The following SOX1 variants were observed in gnomAD, a reference collection of about 807,000 sequenced individuals.
SOX1 encodes the protein SRY-box transcription factor 1.
Under a neutral mutation model 0.9 loss-of-function variants are expected in SOX1, and 1 was observed. The observed-to-expected ratio is 1.07, with a 90% CI of 0.38 to 5.06. The LOEUF is 5.06. Among genes scored for constraint, SOX1 ranks in the 30% most tolerant of loss-of-function variants. The pLI, the probability that SOX1 is intolerant of heterozygous loss-of-function variation, is 0.16. For synonymous variants in SOX1, 397 were observed against 265.5 expected (o/e 1.50, Z -4.81); for missense variants, 564 against 534.4 (o/e 1.06, Z -0.55).
Position 112,067,763 on chromosome 13 carries a change from C to A in SOX1, c.105C>A (p.Gly35=), listed in dbSNP as rs2138615776. ...PAGAGGGGGG[G]GGGGGGGGAK... ...GGGCGGGCGGCGGCGGGGGCGGAGG[C>A]GGGGGCGGCGGCGGCGGCGGGGGCG... Residue 35 remains glycine (G), a synonymous_variant, in exon 1 of 1, where the codon GGC becomes GGA. Coordinates refer to ENST00000330949, the MANE Select transcript of SOX1 (RefSeq NM_005986.3). The surrounding 1 kb of genome is among the most constrained non-coding windows in gnomAD (Gnocchi z 5.1). The A allele has an allele frequency of 7.9e-7, 1 of 1,265,754 alleles. No individual in the cohort carries two copies. Among genetic ancestry groups the A allele is most frequent in the Non-Finnish European group, 1.0e-6 (1 of 998,676 alleles). 78.4% of individuals were successfully genotyped at this position (1,265,754 alleles called of 1,614,324 possible). A position where few individuals can be genotyped will look rare whatever the true frequency, so the allele number is the denominator to read the frequency against.
Position 112,068,621 on chromosome 13 carries a change from G to C in SOX1, c.963G>C (p.Glu321Asp), listed in dbSNP as rs1880799668. 1.7e-6 allele frequency: 2 copies of C among 1,145,460 alleles called. No individual in the cohort carries two copies. The highest frequency in any genetic ancestry group is 4.9e-5 in the Admixed American group (1 of 20,612). 71.0% of individuals were successfully genotyped at this position (1,145,460 alleles called of 1,614,324 possible). A position where few individuals can be genotyped will look rare whatever the true frequency, so the allele number is the denominator to read the frequency against. Residue 321 changes from glutamate (E) to aspartate (D), a missense_variant, in exon 1 of 1, where the codon GAG becomes GAC. Glu to Asp is a conservative substitution (Grantham distance 45). Transcript: ENST00000330949. The surrounding 1 kb of genome is among the most constrained non-coding windows in gnomAD (Gnocchi z 6.9). ...LGALGSLVKSEPSGSPPAPAH... is the reference protein window; with the variant it reads ...LGALGSLVKSDPSGSPPAPAH... ...CGCTGGGCTCTCTGGTGAAGTCGGA[G>C]CCCAGCGGCAGCCCGCCCGCCCCAG...
rs539718883 is a variant in SOX1 at position 112,069,884 on chromosome 13, A to C, written c.*1050A>C. ...AAGTATCTTCTGCTCCGGCTGTTTC[A>C]CTGCGGACGGCTGGGGCTGCTGCGC... is the stretch of plus-strand genomic sequence containing the variant. On this transcript the variant is annotated 3_prime_UTR_variant, in exon 1 of 1. Coordinates refer to ENST00000330949, the MANE Select transcript of SOX1 (RefSeq NM_005986.3). 5.4e-5 allele frequency: 9 copies of C among 167,234 alleles called. No individual in the cohort carries two copies. The highest frequency in any genetic ancestry group is 3.4e-3 in the Middle Eastern group (1 of 296). 10.4% of individuals were successfully genotyped at this position (167,234 alleles called of 1,614,324 possible).
Position 112,068,666 on chromosome 13 carries a change from C to A in SOX1, c.1008C>A (p.Cys336Ter). 8.6e-7 allele frequency: 1 copy of A among 1,168,852 alleles called. No individual in the cohort carries two copies. Among genetic ancestry groups the A allele is most frequent in the Non-Finnish European group, 1.1e-6 (1 of 947,676 alleles). The allele number at this position is 1,168,852 out of a possible 1,614,324, so 72.4% of individuals were successfully genotyped here. A position where few individuals can be genotyped will look rare whatever the true frequency, so the allele number is the denominator to read the frequency against. ...CCCCAGCGCACTCGCGGGCGCCGTG[C>A]CCCGGGGACCTGCGCGAGATGATCA... ...PPAPAHSRAP[C>*]PGDLREMISM... The change falls in exon 1 of 1, where the codon TGC becomes TGA. Residue 336 changes from cysteine (C) to a stop codon, truncating the protein, a stop_gained. Transcript: ENST00000330949. LOFTEE classifies it low-confidence loss of function (END_TRUNC). The surrounding 1 kb of genome is among the most constrained non-coding windows in gnomAD (Gnocchi z 6.9).
chr13:112,068,793 G>A lies in SOX1; in HGVS notation c.1135G>A (p.Gly379Ser), dbSNP rs1880805812. 1 of 1,228,586 alleles carries A rather than the reference G, an allele frequency of 8.1e-7. No individual in the cohort carries two copies. Among genetic ancestry groups the A allele is most frequent in the Non-Finnish European group, 1.0e-6 (1 of 984,124 alleles). 76.1% of individuals were successfully genotyped at this position (1,228,586 alleles called of 1,614,324 possible). ...HSLPQHYQGAGAGVNGTVPLT... is the reference protein window; with the variant it reads ...HSLPQHYQGASAGVNGTVPLT... ...GCTGCCGCAGCACTACCAGGGCGCG[G>A]GCGCGGGCGTGAACGGCACGGTGCC... The change falls in exon 1 of 1, where the codon GGC becomes AGC. Residue 379 changes from glycine (G) to serine (S), a missense_variant. Physicochemically the swap from Gly to Ser is moderately conservative, Grantham distance 56. Transcript: ENST00000330949. The surrounding 1 kb of genome is among the most constrained non-coding windows in gnomAD (Gnocchi z 6.9).
Position 112,071,264 on chromosome 13 carries a change from T to C in SOX1, c.*2430T>C, listed in dbSNP as rs752583093. Among the ~76,000 whole-genome samples, 19 of 152,226 alleles carry C rather than the reference T, an allele frequency of 1.2e-4. No individual in the cohort carries two copies. Among genetic ancestry groups the C allele is most frequent in the Non-Finnish European group, 1.6e-4 (11 of 68,040 alleles). On this transcript the variant is annotated 3_prime_UTR_variant, in exon 1 of 1. Coordinates refer to ENST00000330949, the MANE Select transcript of SOX1 (RefSeq NM_005986.3). ...GGCCCCACTTTAGAGGCACAGACTA[T>C]GAAAAGCTGAGTTAGTGCGCCCGGG...
chr13:112,068,496 G>T lies in SOX1; in HGVS notation c.838G>T (p.Ala280Ser). 9.7e-7 allele frequency: 1 copy of T among 1,031,006 alleles called. No homozygotes were observed. Among genetic ancestry groups the T allele is most frequent in the Non-Finnish European group, 1.2e-6 (1 of 862,956 alleles). 63.9% of individuals were successfully genotyped at this position (1,031,006 alleles called of 1,614,324 possible). Residue 280 changes from alanine (A) to serine (S), a missense_variant, in exon 1 of 1, where the codon GCC becomes TCC. Ala to Ser is a moderately conservative substitution (Grantham distance 99). Coordinates refer to ENST00000330949, the MANE Select transcript of SOX1 (RefSeq NM_005986.3). This position sits in a 1 kb window ranked among gnomAD's most constrained non-coding sequence, Gnocchi z 6.9. ...GGGCTACGGCGGCCTCCCCTACGGC[G>T]CCGCGGCCGCCGCCGCCGCCGCTGC... is the stretch of plus-strand genomic sequence containing the variant. ...PSGYGGLPYG[A>S]AAAAAAAAGG... is the part of the protein sequence containing the mutation.
At position 112,071,569 on chromosome 13, in the gene SOX1, G is replaced by T. The variant is rs117681231; in HGVS notation, c.*2735G>T. On this transcript the variant is annotated 3_prime_UTR_variant, in exon 1 of 1. Transcript: ENST00000330949. ...CTCCAATTCAAATTAGTGGAGAAAA[G>T]ATTACAGTAGGCCCTGAGCCGACTG... Among the ~76,000 whole-genome samples, 2 of 152,074 alleles carry T rather than the reference G, an allele frequency of 1.3e-5. No homozygotes were observed. Among genetic ancestry groups the T allele is most frequent in the Non-Finnish European group, 1.5e-5 (1 of 68,012 alleles).
Position 112,067,691 on chromosome 13 carries a change from C to A in SOX1, c.33C>A (p.His11Gln). MYSMMMETDLHSPGGAQAPTN... is the reference protein window; with the variant it reads MYSMMMETDLQSPGGAQAPTN... The stretch of plus-strand genomic sequence containing the variant: ...GCATGATGATGGAGACCGACCTGCA[C>A]TCGCCCGGCGGCGCCCAGGCCCCCA... The change falls in exon 1 of 1, where the codon CAC (histidine) becomes CAA (glutamine). Residue 11 changes from histidine (H) to glutamine (Q), a missense_variant. His to Gln is a conservative substitution (Grantham distance 24). Coordinates refer to ENST00000330949, the MANE Select transcript of SOX1 (RefSeq NM_005986.3). The surrounding 1 kb of genome is among the most constrained non-coding windows in gnomAD (Gnocchi z 5.1). The A allele has an allele frequency of 7.8e-7, 1 of 1,280,138 alleles. No homozygotes were observed. The highest frequency in any genetic ancestry group is 1.0e-6 in the Non-Finnish European group (1 of 1,003,892). 79.3% of individuals were successfully genotyped at this position (1,280,138 alleles called of 1,614,324 possible). A position where few individuals can be genotyped will look rare whatever the true frequency, so the allele number is the denominator to read the frequency against.
rs1311269755 is a variant in SOX1, at chr13:112,068,426, C to T, written c.768C>T (p.Tyr256=). ...MHRYDMGALQ[Y]SPISNSQGYM... Reference sequence around the variant, plus strand: ...GCTACGACATGGGCGCGCTGCAGTACAGCCCCATCTCCAACTCGCAGGGCT... The same window carrying T: ...GCTACGACATGGGCGCGCTGCAGTATAGCCCCATCTCCAACTCGCAGGGCT... The change falls in exon 1 of 1, where the codon TAC becomes TAT. Residue 256 remains tyrosine (Y), a synonymous_variant. Coordinates refer to ENST00000330949, the MANE Select transcript of SOX1 (RefSeq NM_005986.3). This position sits in a 1 kb window ranked among gnomAD's most constrained non-coding sequence, Gnocchi z 6.9. The T allele has an allele frequency of 6.2e-6, 8 of 1,281,526 alleles. No homozygotes were observed. The highest frequency in any genetic ancestry group is 2.8e-5 in the Admixed American group (1 of 35,138). 79.4% of individuals were successfully genotyped at this position (1,281,526 alleles called of 1,614,324 possible).
chr13:112,068,325 C>T lies in SOX1; in HGVS notation c.667C>T (p.His223Tyr). The T allele has an allele frequency of 3.6e-6, 4 of 1,118,280 alleles. No homozygotes were observed. Among genetic ancestry groups the T allele is most frequent in the Non-Finnish European group, 3.3e-6 (3 of 909,336 alleles). 69.3% of individuals were successfully genotyped at this position (1,118,280 alleles called of 1,614,324 possible). ...YGQHPGAGGA[H>Y]PHAHPAHPHP... The stretch of plus-strand genomic sequence containing the variant: ...GCAGCACCCGGGCGCGGGCGGCGCG[C>T]ACCCGCACGCGCACCCCGCGCACCC... Residue 223 changes from histidine to tyrosine, a missense_variant, in exon 1 of 1, where the codon CAC (histidine) becomes TAC (tyrosine). By Grantham distance (83) the His-to-Tyr change is moderately conservative. Transcript: ENST00000330949. This position sits in a 1 kb window ranked among gnomAD's most constrained non-coding sequence, Gnocchi z 6.9.
At position 112,068,780 on chromosome 13, in the gene SOX1, C is replaced by T; in HGVS notation, c.1122C>T (p.His374=). 1 of 1,210,976 alleles carries T rather than the reference C, an allele frequency of 8.3e-7. No individual in the cohort carries two copies. Among genetic ancestry groups the T allele is most frequent in the Non-Finnish European group, 1.0e-6 (1 of 972,316 alleles). The allele number at this position is 1,210,976 out of a possible 1,614,324, so 75.0% of individuals were successfully genotyped here. The change falls in exon 1 of 1, where the codon CAC becomes CAT. Residue 374 remains histidine, a synonymous_variant. Coordinates refer to ENST00000330949, the MANE Select transcript of SOX1 (RefSeq NM_005986.3). The surrounding 1 kb of genome is among the most constrained non-coding windows in gnomAD (Gnocchi z 6.9). The stretch of plus-strand genomic sequence containing the variant: ...GCCGGCTGCACTCGCTGCCGCAGCA[C>T]TACCAGGGCGCGGGCGCGGGCGTGA... ...AQSRLHSLPQ[H]YQGAGAGVNG... is the part of the protein sequence containing the mutation.
rs1292252348 is a variant in SOX1 at position 112,068,345 on chromosome 13, GCACCCGCACCCGCAC to G, written c.697_711del (p.Pro233_His237del). The G allele has an allele frequency of 6.6e-6, 8 of 1,219,268 alleles. No homozygotes were observed. Among genetic ancestry groups the G allele is most frequent in the Admixed American group, 3.3e-5 (1 of 30,342 alleles). 75.5% of individuals were successfully genotyped at this position (1,219,268 alleles called of 1,614,324 possible). A position where few individuals can be genotyped will look rare whatever the true frequency, so the allele number is the denominator to read the frequency against. ...GCGCGCACCCGCACGCGCACCCCGC[GCACCCGCACCCGCAC>G]CACCCGCACGCGCACCCGCACAACC... On this transcript the variant is annotated inframe_deletion, in exon 1 of 1. Coordinates refer to ENST00000330949, the MANE Select transcript of SOX1 (RefSeq NM_005986.3). The surrounding 1 kb of genome is among the most constrained non-coding windows in gnomAD (Gnocchi z 6.9).
Position 112,068,059 on chromosome 13 carries a change from A to G in SOX1, c.401A>G (p.Lys134Arg). The change falls in exon 1 of 1, where the codon AAG (lysine) becomes AGG (arginine). Residue 134 changes from lysine to arginine, a missense_variant. Physicochemically the swap from Lys to Arg is conservative, Grantham distance 26 (BLOSUM62 2). Transcript: ENST00000330949. This position sits in a 1 kb window ranked among gnomAD's most constrained non-coding sequence, Gnocchi z 6.9. The part of the protein sequence containing the change: ...RKTKTLLKKD[K>R]YSLAGGLLAA... ...ACCAAGACGCTGCTCAAGAAGGACA[A>G]GTACTCGCTGGCCGGCGGGCTCCTG... 2 of 1,582,604 alleles carry G rather than the reference A, an allele frequency of 1.3e-6. No individual in the cohort carries two copies. The highest frequency in any genetic ancestry group is 1.7e-6 in the Non-Finnish European group (2 of 1,164,608).
At position 112,069,308 on chromosome 13, in the gene SOX1, C is replaced by G. The variant is rs1036517012; in HGVS notation, c.*474C>G. ...GTAGTAAGGCAGGTCCAAGCACTTA[C>G]AAGTTTTTTGTAGTTGTTACCGCTC... On this transcript the variant is annotated 3_prime_UTR_variant, in exon 1 of 1. Transcript: ENST00000330949. The G allele has an allele frequency of 6.0e-6, 1 of 167,104 alleles. No homozygotes were observed. The highest frequency in any genetic ancestry group is 2.4e-5 in the African/African-American group (1 of 41,466). 10.4% of individuals were successfully genotyped at this position (167,104 alleles called of 1,614,324 possible).
Position 112,068,438 on chromosome 13 carries a change from C to A in SOX1, c.780C>A (p.Ser260=). Residue 260 remains serine, a synonymous_variant, in exon 1 of 1, where the codon TCC becomes TCA. Coordinates refer to ENST00000330949, the MANE Select transcript of SOX1 (RefSeq NM_005986.3). This position sits in a 1 kb window ranked among gnomAD's most constrained non-coding sequence, Gnocchi z 6.9. ...DMGALQYSPI[S]NSQGYMSASP... is the part of the protein sequence containing the mutation. ...GCGCGCTGCAGTACAGCCCCATCTCCAACTCGCAGGGCTACATGAGCGCGT... is the reference window on the plus strand; with the variant it reads ...GCGCGCTGCAGTACAGCCCCATCTCAAACTCGCAGGGCTACATGAGCGCGT... 1 of 1,261,976 alleles carries A rather than the reference C, an allele frequency of 7.9e-7. No individual in the cohort carries two copies. The highest frequency in any genetic ancestry group is 1.0e-6 in the Non-Finnish European group (1 of 981,828). The allele number at this position is 1,261,976 out of a possible 1,614,324, so 78.2% of individuals were successfully genotyped here.
In SOX1 at chr13:112,071,573, A is replaced by G. The variant is rs1875876863; in HGVS notation, c.*2739A>G. Among the ~76,000 whole-genome samples, 1 of 152,028 alleles carries G rather than the reference A, an allele frequency of 6.6e-6. No individual in the cohort carries two copies. Among genetic ancestry groups the G allele is most frequent in the Non-Finnish European group, 1.5e-5 (1 of 68,014 alleles). On this transcript the variant is annotated 3_prime_UTR_variant, in exon 1 of 1. Transcript: ENST00000330949. Reference sequence around the variant, plus strand: ...AATTCAAATTAGTGGAGAAAAGATTACAGTAGGCCCTGAGCCGACTGTGAA... The same window carrying G: ...AATTCAAATTAGTGGAGAAAAGATTGCAGTAGGCCCTGAGCCGACTGTGAA...
rs1214874719 is a variant in SOX1, at chr13:112,071,667, T to C, written c.*2833T>C. Among the ~76,000 whole-genome samples, 3 of 152,146 alleles carry C rather than the reference T, an allele frequency of 2.0e-5. No homozygotes were observed. The East Asian group carries it at 5.8e-4, about 29-fold the overall frequency. On this transcript the variant is annotated 3_prime_UTR_variant, in exon 1 of 1. Transcript: ENST00000330949. ...AAATACTATATGATGATAGTTATTA[T>C]ATTATATGACGACTTCATTCACTTC...
chr13:112,071,213 A>G lies in SOX1; in HGVS notation c.*2379A>G, dbSNP rs1022246307. Among the ~76,000 whole-genome samples the G allele has an allele frequency of 1.5e-4, 23 of 152,174 alleles. No individual in the cohort carries two copies. Among genetic ancestry groups the G allele is most frequent in the Admixed American group, 1.2e-3 (18 of 15,274 alleles). On this transcript the variant is annotated 3_prime_UTR_variant, in exon 1 of 1. Transcript: ENST00000330949. ...TTTCTGTGTCCAATTGTTGGCATCTAGGTCTTGGCTCAAGATTAGGATGTG... is the reference window on the plus strand; with the variant it reads ...TTTCTGTGTCCAATTGTTGGCATCTGGGTCTTGGCTCAAGATTAGGATGTG...
chr13:112,068,463 T>C lies in SOX1; in HGVS notation c.805T>C (p.Ser269Pro). Residue 269 changes from serine (S) to proline (P), a missense_variant, in exon 1 of 1, where the codon TCG becomes CCG. Ser to Pro is a moderately conservative substitution (Grantham distance 74). Transcript: ENST00000330949. The surrounding 1 kb of genome is among the most constrained non-coding windows in gnomAD (Gnocchi z 6.9). ...ISNSQGYMSA[S>P]PSGYGGLPYG... ...CAACTCGCAGGGCTACATGAGCGCG[T>C]CGCCCTCGGGCTACGGCGGCCTCCC... 8.5e-7 allele frequency: 1 copy of C among 1,174,250 alleles called. No homozygotes were observed. The allele number at this position is 1,174,250 out of a possible 1,614,324, so 72.7% of individuals were successfully genotyped here. A position where few individuals can be genotyped will look rare whatever the true frequency, so the allele number is the denominator to read the frequency against.
Sources: allele counts gnomAD v4.1 joint callset (sites outside exome capture counted in the v4.1 genomes callset), GRCh38; gene constraint gnomAD v4.1.1; non-coding constraint Gnocchi (gnomAD v3.1); transcripts MANE v1.5; gene names NCBI Gene and HGNC (gene_info 2026-07-23, HGNC 2026-07-21).